The following C4orf50 variants were observed in gnomAD, a reference collection of about 807,000 sequenced individuals.
C4orf50 encodes the protein chromosome 4 open reading frame 50.
In C4orf50, 80 loss-of-function variants were observed where a neutral mutation model predicts 77.2. The observed-to-expected ratio is 1.04, with a 90% CI of 0.87 to 1.25. The LOEUF is 1.25. Among genes scored for constraint, C4orf50 ranks in the 50% most tolerant of loss-of-function variants. The pLI, the probability that C4orf50 is intolerant of heterozygous loss-of-function variation, is 0.00. For synonymous variants in C4orf50, 532 were observed against 465.3 expected, an observed-to-expected ratio of 1.14 and a Z score of -1.84; for missense variants, 1,257 against 1,152.9, an observed-to-expected ratio of 1.09 and a Z score of -1.31.
chr4:5,955,583 T>G (rs756451540), downstream of C4orf50, among the ~76,000 whole-genome samples: 13 of 152,116 alleles, frequency 8.5e-5, no homozygotes, highest in Non-Finnish European at 1.8e-4. This position sits in a 1 kb window ranked among gnomAD's most constrained non-coding sequence, Gnocchi z 5.1. Flanking sequence ...TGGATGGGGA[T>G]AGGAACGCAG....
At chr4:5,927,264 G>A (rs1272259022) in intron 7 of C4orf50, among the ~76,000 whole-genome samples, 1 of 152,056 alleles carries the variant, frequency 6.6e-6, no homozygotes, top group African/African-American at 2.4e-5. Flanking sequence ...TGTGTGCAAA[G>A]CCTCCAGGCC....
chr4:5,938,267 A>C (rs1273537118), intron 7 of C4orf50, among the ~76,000 whole-genome samples: 7 of 152,242 alleles, frequency 4.6e-5, no homozygotes. Flanking sequence ...TAATAAGAAC[A>C]AAATACAGAA....
chr4:6,001,577 G>C (rs1291383140), intron 25 of C4orf50, among the ~76,000 whole-genome samples: 1 of 152,176 alleles, frequency 6.6e-6, no homozygotes, highest in Non-Finnish European at 1.5e-5. Flanking sequence ...CAAGAAGCCA[G>C]ATCATCTGCT....
At chr4:5,984,788 AAT>A (rs1313622569) in intron 28 of C4orf50, among the ~76,000 whole-genome samples, 3 of 152,064 alleles carry the variant, frequency 2.0e-5, no homozygotes, top group African/African-American at 7.2e-5. Flanking sequence ...TATTTGAAGA[AAT>A]AATGATCAAG....
chr4:5,992,680 T>C lies in C4orf50; in HGVS notation c.1221+123A>G, dbSNP rs949357647. ...TCTCTCTCAACTACTTCCAGAATGT[T>C]CTCCCAGACCTGGAGCTTCTTTACC... On this transcript the variant is annotated intron_variant, in intron 27 of 33. Coordinates refer to ENST00000531445, the Ensembl canonical transcript of C4orf50. This position sits in a 1 kb window ranked among gnomAD's most constrained non-coding sequence, Gnocchi z 5.0. 2 of 394,306 alleles carry C rather than the reference T, an allele frequency of 5.1e-6. No homozygotes were observed. Among genetic ancestry groups the C allele is most frequent in the South Asian group, 1.4e-4 (1 of 7,048 alleles). 24.4% of individuals were successfully genotyped at this position (394,306 alleles called of 1,614,324 possible). A position where few individuals can be genotyped will look rare whatever the true frequency, so the allele number is the denominator to read the frequency against.
At chr4:5,968,160 G>A (rs151036349) in intron 31 of C4orf50, among the ~76,000 whole-genome samples, 1 of 152,298 alleles carries the variant, frequency 6.6e-6, no homozygotes, top group African/African-American at 2.4e-5. Context: ...GGTATAGGAG[G>A]CCATCTCCCT....
At chr4:5,926,571 A>G (rs1323369331) in intron 7 of C4orf50, among the ~76,000 whole-genome samples, 1 of 152,146 alleles carries the variant, frequency 6.6e-6, no homozygotes, top group Non-Finnish European at 1.5e-5. Context: ...CAAATTGTGC[A>G]CTTTAACGTG....
At chr4:6,002,466 G>A (rs935360342) in intron 25 of C4orf50, among the ~76,000 whole-genome samples, 5 of 152,342 alleles carry the variant, frequency 3.3e-5, no homozygotes, top group African/African-American at 1.2e-4. Context: ...GCTGTGCCTT[G>A]CCTGTTTCCT....
intron 7 of C4orf50, among the ~76,000 whole-genome samples, chr4:5,944,004 A>T (rs1398786029): frequency 6.6e-6 from 1 of 152,220 alleles, no homozygotes; most frequent in Admixed American, 6.5e-5. Flanking sequence ...GGGCAGTCCC[A>T]CAACAGGCTC....
At chr4:5,977,396 G>A (rs1051150057) in intron 29 of C4orf50, among the ~76,000 whole-genome samples, 5 of 152,158 alleles carry the variant, frequency 3.3e-5, no homozygotes, top group Non-Finnish European at 5.9e-5. Context: ...GTGTGTATAT[G>A]AAATTATACT....
chr4:5,951,209 C>A (rs777946143), intron 7 of C4orf50, among the ~76,000 whole-genome samples: 1 of 152,234 alleles, frequency 6.6e-6, no homozygotes, highest in Non-Finnish European at 1.5e-5. Flanking sequence ...GTCCTCTTTA[C>A]AAACTACAAA....
At chr4:5,936,817 A>T (rs925900237) in intron 7 of C4orf50, among the ~76,000 whole-genome samples, 5 of 152,160 alleles carry the variant, frequency 3.3e-5, no homozygotes, top group African/African-American at 1.2e-4. Flanking sequence ...TATATGTCTT[A>T]TAGCAGAACT....
intron 25 of C4orf50, among the ~76,000 whole-genome samples, chr4:6,003,938 T>C (rs1722007654): frequency 2.1e-5 from 1 of 48,196 alleles, no homozygotes; most frequent in South Asian, 8.0e-4. Context: ...GTGATGATGG[T>C]GATGGTGATG....
rs1051736594 is a variant in C4orf50, at chr4:5,972,798, G to A, written c.4104+861C>T. ...ACATAAGGAGCGGAGCTAGTCTGGC[G>A]GGGGCGTTGCTGGCTTGTCCCCAGG... is the stretch of plus-strand genomic sequence containing the variant. On this transcript the variant is annotated intron_variant, in intron 31 of 33. Transcript: ENST00000531445. Among the ~76,000 whole-genome samples, 9 of 152,322 alleles carry A rather than the reference G, an allele frequency of 5.9e-5. No homozygotes were observed. The South Asian group carries it at 8.3e-4, about 14-fold the overall frequency.
chr4:5,914,599 A>C (rs1318410161), intron 7 of C4orf50, among the ~76,000 whole-genome samples: 2 of 152,172 alleles, frequency 1.3e-5, no homozygotes, highest in East Asian at 3.8e-4. Context: ...TCACGGTTTG[A>C]ATTTTTAATA....
rs2108748187 is a variant in C4orf50 at position 5,936,417 on chromosome 4, C to T, written c.*2474+20484G>A. Among the ~76,000 whole-genome samples the T allele has an allele frequency of 1.3e-5, 2 of 151,922 alleles. 1 individual carries two copies. Among genetic ancestry groups the T allele is most frequent in the South Asian group, 4.2e-4 (2 of 4,804 alleles). The stretch of plus-strand genomic sequence containing the variant: ...TCTCTACTGCAAATACAAAAATTAT[C>T]CAGTCGTGGTGGCGGGCGCCTCTAA... On this transcript the variant is annotated intron_variant, in intron 7 of 7. Coordinates refer to the C4orf50 transcript ENST00000324058.
chr4:6,003,857 ATGG>A (rs1721991088), intron 25 of C4orf50, among the ~76,000 whole-genome samples: 1 of 8,634 alleles, frequency 1.2e-4, no homozygotes, highest in Non-Finnish European at 2.0e-4. Context: ...GATGGTGATG[ATGG>A]TGATGGTGAT....
chr4:5,941,317 A>T (rs184306400), intron 7 of C4orf50, among the ~76,000 whole-genome samples: 53 of 152,318 alleles, frequency 3.5e-4, no homozygotes, highest in African/African-American at 1.1e-3. Context: ...AGACCCCAAG[A>T]GATGAGGCAA....
intron 7 of C4orf50, chr4:5,899,792 A>T (rs545552500): frequency 1.3e-5 from 2 of 152,338 alleles, no homozygotes; most frequent in South Asian, 4.1e-4. Context: ...CCAGGGCCCC[A>T]CCCAATACAA....
Sources: gnomAD v4.1 joint callset for allele counts (sites outside exome capture counted in the v4.1 genomes callset) on GRCh38, gnomAD v4.1.1 for gene constraint, Gnocchi (gnomAD v3.1) non-coding constraint, MANE v1.5 for transcripts, NCBI Gene and HGNC (gene_info 2026-07-23, HGNC 2026-07-21) for gene names.